Variants in DCC observed in about 807,000 individuals in gnomAD.
DCC encodes netrin receptor DCC.
Under a neutral mutation model 172.5 loss-of-function variants are expected in DCC, and 58 were observed. The ratio of observed to expected loss-of-function variants is 0.34; its 90% CI spans 0.27 to 0.42. The LOEUF is 0.42. DCC is among the 10% of genes least tolerant of loss of function. The pLI is 1.00. For missense variants in DCC, 1,740 were observed against 1,791.0 expected, an observed-to-expected ratio of 0.97 and a Z score of 0.51; for synonymous variants, 709 against 644.5, an observed-to-expected ratio of 1.10 and a Z score of -1.52.
intron 1 of DCC, among the ~76,000 whole-genome samples, chr18:52,738,737 CTT>C (rs1012760668): frequency 1.3e-5 from 2 of 150,632 alleles, no homozygotes; most frequent in Admixed American, 6.6e-5. Flanking sequence ...TTCTTTCTTT[CTT>C]TCTTTGTTTT....
chr18:53,323,303 A>T (rs1355850799), intron 14 of DCC, among the ~76,000 whole-genome samples: 1 of 152,012 alleles, frequency 6.6e-6, no homozygotes, highest in Non-Finnish European at 1.5e-5. Context: ...CCTCACTATC[A>T]TTAATGATTT....
intron 15 of DCC, among the ~76,000 whole-genome samples, chr18:53,346,185 T>C (rs898941552): frequency 7.9e-5 from 12 of 152,088 alleles, no homozygotes; most frequent in Admixed American, 7.2e-4. Flanking sequence ...TAGTAATATA[T>C]ACTTTTTTAT....
At chr18:53,360,415 A>T (rs1225267996) in intron 15 of DCC, among the ~76,000 whole-genome samples, 2 of 152,174 alleles carry the variant, frequency 1.3e-5, no homozygotes, top group African/African-American at 4.8e-5. Flanking sequence ...GAGTGGGTAT[A>T]TACAGCCCAA....
At chr18:53,149,592 A>T (rs2043968938) in intron 7 of DCC, among the ~76,000 whole-genome samples, 1 of 152,228 alleles carries the variant, frequency 6.6e-6, no homozygotes, top group African/African-American at 2.4e-5. Flanking sequence ...GCACTTTCCT[A>T]AATAAGCAAC....
chr18:53,202,256 T>C (rs896005977), intron 9 of DCC, among the ~76,000 whole-genome samples: 2 of 152,012 alleles, frequency 1.3e-5, no homozygotes, highest in African/African-American at 4.8e-5. Flanking sequence ...AGAAAAGAGG[T>C]ACTCCAATAA....
chr18:52,425,132 A>G (rs1045401482), intron 1 of DCC, among the ~76,000 whole-genome samples: 4 of 152,152 alleles, frequency 2.6e-5, no homozygotes, highest in Non-Finnish European at 5.9e-5. Flanking sequence ...CCTGTATTAG[A>G]AAGTTAATAG....
At chr18:53,172,530 G>A (rs2055029108) in intron 8 of DCC, among the ~76,000 whole-genome samples, 1 of 152,096 alleles carries the variant, frequency 6.6e-6, no homozygotes, top group Non-Finnish European at 1.5e-5. Context: ...TGGCCAGCGT[G>A]ACTTGGAACA....
At chr18:52,569,265 T>G (rs1010678377) in intron 1 of DCC, among the ~76,000 whole-genome samples, 3 of 152,226 alleles carry the variant, frequency 2.0e-5, no homozygotes, top group Non-Finnish European at 4.4e-5. Flanking sequence ...TTTCCTAGTA[T>G]TGTCGCTTGC....
intron 5 of DCC, among the ~76,000 whole-genome samples, chr18:52,958,707 C>A (rs2040788624): frequency 6.6e-6 from 1 of 152,042 alleles, no homozygotes; most frequent in Non-Finnish European, 1.5e-5. Flanking sequence ...TTAAAGATAA[C>A]TCACCTGAGT....
intron 1 of DCC, among the ~76,000 whole-genome samples, chr18:52,391,465 A>G (rs1211017640): frequency 1.3e-5 from 2 of 152,152 alleles, no homozygotes; most frequent in Admixed American, 6.5e-5. Flanking sequence ...TTGTTTGACC[A>G]GAGGAAGTTG....
chr18:53,314,539 A>G (rs997194882), intron 13 of DCC, among the ~76,000 whole-genome samples: 1 of 152,192 alleles, frequency 6.6e-6, no homozygotes, highest in Admixed American at 6.6e-5. Context: ...TCATCCAACA[A>G]AAGTATTCCT....
chr18:53,245,412 G>A (rs991523652), intron 12 of DCC, among the ~76,000 whole-genome samples: 3 of 152,108 alleles, frequency 2.0e-5, no homozygotes, highest in Non-Finnish European at 4.4e-5. Flanking sequence ...CATTTGTTAT[G>A]TGTGGAAAAG....
In DCC at chr18:52,598,063, A is replaced by G. The variant is rs554115079; in HGVS notation, c.92-153991A>G. Reference sequence around the variant, plus strand: ...TGGAAAATGTGTACACTTTGGAGTCAGTAAAAATTGGATTCAAATTCTAGC... The same window carrying G: ...TGGAAAATGTGTACACTTTGGAGTCGGTAAAAATTGGATTCAAATTCTAGC... On this transcript the variant is annotated intron_variant, in intron 1 of 28. Transcript: ENST00000442544. Among the ~76,000 whole-genome samples the G allele has an allele frequency of 7.2e-5, 11 of 152,332 alleles. No homozygotes were observed. The South Asian group carries it at 1.4e-3, about 20-fold the overall frequency.
Position 53,034,690 on chromosome 18 carries a change from T to C in DCC, c.986-28615T>C, listed in dbSNP as rs531072946. Among the ~76,000 whole-genome samples, 44 of 145,844 alleles carry C rather than the reference T, an allele frequency of 3.0e-4. 1 individual carries two copies. The highest frequency in any genetic ancestry group is 5.7e-4 in the Non-Finnish European group (38 of 66,834). On this transcript the variant is annotated intron_variant, in intron 5 of 28. Transcript: ENST00000442544. ...TCAATCTGTCATATTAAGTCACTTA[T>C]CTGCTCCAACTTTTTTTTTTTTTAT... is the stretch of plus-strand genomic sequence containing the variant.
intron 2 of DCC, among the ~76,000 whole-genome samples, chr18:52,796,211 C>A (rs2037875517): frequency 6.6e-6 from 1 of 151,876 alleles, no homozygotes; most frequent in Non-Finnish European, 1.5e-5. Flanking sequence ...ATCTAGTCTA[C>A]ATCTCTTAAT....
intron 9 of DCC, among the ~76,000 whole-genome samples, chr18:53,183,348 C>T (rs968022015): frequency 6.6e-6 from 1 of 152,132 alleles, no homozygotes; most frequent in Non-Finnish European, 1.5e-5. Context: ...TCTTCCTTTG[C>T]TAAACCCTTG....
At chr18:53,303,398 C>A (rs1320461312) in intron 12 of DCC, among the ~76,000 whole-genome samples, 3 of 152,052 alleles carry the variant, frequency 2.0e-5, no homozygotes, top group African/African-American at 7.3e-5. Flanking sequence ...CCTTCATGTG[C>A]TGTTATCTTC....
At chr18:52,664,092 A>G (rs1246799237) in intron 1 of DCC, among the ~76,000 whole-genome samples, 1 of 152,260 alleles carries the variant, frequency 6.6e-6, no homozygotes, top group East Asian at 1.9e-4. Flanking sequence ...TAGTTGCTTT[A>G]TCATTATGGC....
intron 1 of DCC, among the ~76,000 whole-genome samples, chr18:52,576,611 C>T (rs1250957392): frequency 6.6e-6 from 1 of 151,956 alleles, no homozygotes; most frequent in Admixed American, 6.6e-5. Flanking sequence ...GTGTGGATCA[C>T]GAGGTCAGGA....
Sources: allele counts gnomAD v4.1 joint callset (sites outside exome capture counted in the v4.1 genomes callset), GRCh38; gene constraint gnomAD v4.1.1; transcripts MANE v1.5; gene names NCBI Gene and HGNC (gene_info 2026-07-23, HGNC 2026-07-21).